HDAC4: variants seen among roughly 807,000 people sequenced by gnomAD.
The protein encoded by HDAC4 is histone deacetylase A.
In HDAC4, 16 loss-of-function variants were observed where a neutral mutation model predicts 135.1. The ratio of observed to expected loss-of-function variants is 0.12; its 90% CI spans 0.08 to 0.18. HDAC4 has a LOEUF of 0.18. HDAC4 is among the 10% of genes least tolerant of loss of function. HDAC4 has a pLI of 1.00. For missense variants in HDAC4, 1,143 were observed against 1,511.8 expected (o/e 0.76, Z 4.05); for synonymous variants, 685 against 653.4 (o/e 1.05, Z -0.74).
rs1695951550 is a variant in HDAC4 at position 239,388,152 on chromosome 2, T to C, written c.-220+12826A>G. On this transcript the variant is annotated intron_variant, in intron 1 of 26. Transcript: ENST00000543185. The stretch of plus-strand genomic sequence containing the variant: ...TTCATTCACCTCATAGCACCTGGGG[T>C]TGGGGAAAGGCTGGGCCATTGACCT... Among the ~76,000 whole-genome samples the C allele has an allele frequency of 2.0e-5, 3 of 151,924 alleles. No homozygotes were observed. The South Asian group carries it at 6.3e-4, about 32-fold the overall frequency.
At chr2:239,231,427 C>T (rs555834) in intron 3 of HDAC4, among the ~76,000 whole-genome samples, 104,218 of 152,004 alleles carry the variant, frequency 0.69, 37,423 homozygotes, top group South Asian at 0.81. Context: ...ACAGCGGCCA[C>T]GGGATCTGAG....
chr2:239,350,792 G>A (rs1049957446), intron 2 of HDAC4, among the ~76,000 whole-genome samples: 16 of 152,238 alleles, frequency 1.1e-4, no homozygotes, highest in African/African-American at 3.4e-4. Context: ...GTGGGCCTCT[G>A]CGCCCGGCCG....
intron 24 of HDAC4, among the ~76,000 whole-genome samples, chr2:239,061,700 G>A (rs1490645769): frequency 6.6e-6 from 1 of 152,148 alleles, no homozygotes; most frequent in Non-Finnish European, 1.5e-5. Flanking sequence ...ACACACACTT[G>A]GTTTTCGTTA....
Position 239,156,779 on chromosome 2 carries a change from G to A in HDAC4, c.612-6C>T, listed in dbSNP as rs746126629. The A allele has an allele frequency of 2.0e-5, 33 of 1,613,998 alleles. No homozygotes were observed. The highest frequency in any genetic ancestry group is 2.7e-5 in the Non-Finnish European group (32 of 1,180,032). On this transcript the variant is annotated splice_region_variant and splice_polypyrimidine_tract_variant and intron_variant, in intron 6 of 26. Coordinates refer to ENST00000543185, the MANE Select transcript of HDAC4 (RefSeq NM_001378414.1). ...GGGAACTGTGCTGCGTTTTCCTGGA[G>A]AGAAGGCAAAGACAGATGGTTTAGT...
At chr2:239,093,748 C>A (rs760065662) in intron 17 of HDAC4, among the ~76,000 whole-genome samples, 4 of 152,186 alleles carry the variant, frequency 2.6e-5, no homozygotes, top group Non-Finnish European at 5.9e-5. Context: ...CTGGGCTCAC[C>A]CCCTCAGCTC....
chr2:239,183,971 T>G (rs1167110044), intron 4 of HDAC4, among the ~76,000 whole-genome samples: 1 of 147,932 alleles, frequency 6.8e-6, no homozygotes, highest in Non-Finnish European at 1.5e-5. Context: ...TAAACAGCTC[T>G]GAAAACTCTC....
At chr2:239,093,851 G>C (rs1233231877) in intron 17 of HDAC4, 1 of 773,070 alleles carries the variant, frequency 1.3e-6, no homozygotes, top group Non-Finnish European at 1.6e-6. Flanking sequence ...TCCTTTTCAA[G>C]TCTGGCCAAA....
intron 2 of HDAC4, among the ~76,000 whole-genome samples, chr2:239,294,375 T>C (rs13429815): frequency 0.1 from 15,797 of 152,076 alleles, 1,428 homozygotes; most frequent in East Asian, 0.43. Context: ...GGAAAGGTTC[T>C]GAAAGCTGTG....
chr2:239,076,508 C>T (rs1296889990), intron 22 of HDAC4, among the ~76,000 whole-genome samples: 2 of 151,818 alleles, frequency 1.3e-5, no homozygotes, highest in Non-Finnish European at 3.0e-5. Context: ...CTAGTAGGAC[C>T]CTAAACAAAA....
At chr2:239,292,396 G>A (rs1011308742) in intron 2 of HDAC4, among the ~76,000 whole-genome samples, 2 of 152,194 alleles carry the variant, frequency 1.3e-5, no homozygotes, top group African/African-American at 4.8e-5. Flanking sequence ...AAAGACCCTG[G>A]AGAGCTTCTG....
intron 1 of HDAC4, 127 bp from the exon 2 acceptor site, chr2:239,353,045 C>T: frequency 3.0e-6 from 1 of 333,448 alleles, no homozygotes; most frequent in South Asian, 2.8e-5. Context: ...GCTCTATCGC[C>T]CAGGCTGGAG....
chr2:239,249,488 G>C (rs1252229345), intron 2 of HDAC4, among the ~76,000 whole-genome samples: 1 of 152,192 alleles, frequency 6.6e-6, no homozygotes, highest in Non-Finnish European at 1.5e-5. Flanking sequence ...ATGCAGATTT[G>C]ATGGAACCTG....
intron 3 of HDAC4, among the ~76,000 whole-genome samples, chr2:239,202,044 T>TC (rs1215097233): frequency 6.6e-6 from 1 of 152,164 alleles, no homozygotes; most frequent in East Asian, 1.9e-4. Context: ...TGCAGGCATC[T>TC]CCAGCATCCC....
intron 12 of HDAC4, among the ~76,000 whole-genome samples, chr2:239,124,797 ATGACATTCCACGTTATG>A (rs1306358619): frequency 1.5e-3 from 175 of 113,576 alleles, no homozygotes; most frequent in Middle Eastern, 6.6e-3. Context: ...GCCGCGTTAT[ATGACATTCCACGTTATG>A]TGACATTCCG....
chr2:239,367,978 A>AAAAT (rs578057387), intron 1 of HDAC4, among the ~76,000 whole-genome samples: 122 of 152,174 alleles, frequency 8.0e-4, no homozygotes, highest in South Asian at 3.7e-3. Context: ...ACTCCGTCTC[A>AAAAT]AAATAAATAA....
chr2:239,185,442 G>C (rs2044484949), intron 4 of HDAC4, among the ~76,000 whole-genome samples: 1 of 150,806 alleles, frequency 6.6e-6, no homozygotes, highest in South Asian at 2.1e-4. Flanking sequence ...GGTGTGCCCT[G>C]TGGGGGTGTC....
chr2:239,229,317 G>A (rs529040161), intron 3 of HDAC4, among the ~76,000 whole-genome samples: 1 of 152,088 alleles, frequency 6.6e-6, no homozygotes, highest in African/African-American at 2.4e-5. Flanking sequence ...AAAGCCATGT[G>A]GGGGGCAGAC....
Position 239,285,820 on chromosome 2 carries a change from G to C in HDAC4, c.23-49156C>G, listed in dbSNP as rs927741571. 6.6e-6 allele frequency among the ~76,000 whole-genome samples: 1 copy of C among 152,146 alleles called. No homozygotes were observed. The highest frequency in any genetic ancestry group is 1.5e-5 in the Non-Finnish European group (1 of 68,022). ...GGAGGACTGCATGGGGGTCAGGACCGAGGTGAGCCCAGAGCTGCAGCGTTC... is the reference window on the plus strand; with the variant it reads ...GGAGGACTGCATGGGGGTCAGGACCCAGGTGAGCCCAGAGCTGCAGCGTTC... On this transcript the variant is annotated intron_variant, in intron 2 of 26. Coordinates refer to ENST00000543185, the MANE Select transcript of HDAC4 (RefSeq NM_001378414.1). This position sits in a 1 kb window ranked among gnomAD's most constrained non-coding sequence, Gnocchi z 4.5.
Position 239,139,714 on chromosome 2 carries a change from G to C in HDAC4, c.948C>G (p.Ile316Met). The C allele has an allele frequency of 1.2e-6, 2 of 1,614,098 alleles. No individual in the cohort carries two copies. The highest frequency in any genetic ancestry group is 1.7e-6 in the Non-Finnish European group (2 of 1,179,980). ...SSGSVSAENG[I>M]APAVPSIPAE... ...CCGGGATGCTGGGGACGGCGGGCGC[G>C]ATACCGTTCTCCGCGCTGACGCTCC... Residue 316 changes from isoleucine to methionine, a missense_variant, in exon 9 of 27, where the codon ATC (isoleucine) becomes ATG (methionine). Coordinates refer to ENST00000543185, the MANE Select transcript of HDAC4 (RefSeq NM_001378414.1). This position sits in a 1 kb window ranked among gnomAD's most constrained non-coding sequence, Gnocchi z 5.3.
Sources: allele counts gnomAD v4.1 joint callset (sites outside exome capture counted in the v4.1 genomes callset), GRCh38; gene constraint gnomAD v4.1.1; non-coding constraint Gnocchi (gnomAD v3.1); transcripts MANE v1.5; gene names NCBI Gene and HGNC (gene_info 2026-07-23, HGNC 2026-07-21).